The following RBFOX1 variants were observed in gnomAD, a reference collection of about 807,000 sequenced individuals.
RBFOX1 encodes RNA binding protein fox-1 homolog 1.
Under a neutral mutation model 57.7 loss-of-function variants are expected in RBFOX1, and 8 were observed. That is an observed-to-expected ratio of 0.14 (90% CI 0.08 to 0.25). The LOEUF (loss-of-function observed/expected upper bound fraction) is 0.25, where lower values mean the gene tolerates loss of function less well. Ranked by LOEUF, RBFOX1 falls within the 10% of genes least tolerant of loss-of-function variation. The pLI is 1.00. For synonymous variants in RBFOX1, 326 were observed against 222.4 expected, an observed-to-expected ratio of 1.47 and a Z score of -4.15; for missense variants, 611 against 548.5, an observed-to-expected ratio of 1.11 and a Z score of -1.14.
At chr16:7,211,617 C>T (rs148942215) in intron 4 of RBFOX1, among the ~76,000 whole-genome samples, 2 of 152,158 alleles carry the variant, frequency 1.3e-5, no homozygotes, top group Admixed American at 6.5e-5. Context: ...TAGAGGCACA[C>T]CTAGTAAGCA....
intron 11 of RBFOX1, among the ~76,000 whole-genome samples, chr16:7,649,415 C>T (rs1842776272): frequency 6.6e-6 from 1 of 152,164 alleles, no homozygotes; most frequent in South Asian, 2.1e-4. Flanking sequence ...CAATCTGTTT[C>T]CTTAACCACA....
At chr16:5,987,818 A>G (rs1414530182) in intron 4 of RBFOX1, among the ~76,000 whole-genome samples, 1 of 152,162 alleles carries the variant, frequency 6.6e-6, no homozygotes, top group African/African-American at 2.4e-5. Context: ...AACTATAGCT[A>G]ATTTTTTAAC....
chr16:7,218,663 T>TGTGTGTGTGTGTGTGC (rs2092462480), intron 4 of RBFOX1, among the ~76,000 whole-genome samples: 2 of 121,312 alleles, frequency 1.6e-5, no homozygotes, highest in African/African-American at 2.6e-5. Flanking sequence ...TGTGTGTGTG[T>TGTGTGTGTGTGTGTGC]GTGTGTGTGT....
intron 1 of RBFOX1, among the ~76,000 whole-genome samples, chr16:5,362,235 G>A (rs1017377944): frequency 2.0e-5 from 3 of 151,994 alleles, no homozygotes; most frequent in Admixed American, 2.0e-4. Flanking sequence ...TCTGTCCCCA[G>A]GCTGGAGTGC....
At chr16:5,408,490 T>G (rs1019458159) in intron 1 of RBFOX1, among the ~76,000 whole-genome samples, 12 of 152,242 alleles carry the variant, frequency 7.9e-5, no homozygotes, top group Admixed American at 7.9e-4. Context: ...TCTCACACTG[T>G]GCCACCCAGC....
chr16:6,944,376 A>G (rs1275162477), intron 3 of RBFOX1, among the ~76,000 whole-genome samples: 1 of 150,156 alleles, frequency 6.7e-6, no homozygotes, highest in Non-Finnish European at 1.5e-5. Flanking sequence ...GCCTGGCAAC[A>G]GAGCAAGACT....
At chr16:5,606,061 G>A (rs1472824350) in intron 3 of RBFOX1, among the ~76,000 whole-genome samples, 1 of 152,138 alleles carries the variant, frequency 6.6e-6, no homozygotes, top group Non-Finnish European at 1.5e-5. Flanking sequence ...GAGGTTGCCC[G>A]TGGCATGTCT....
At chr16:5,780,352 C>T (rs894035942) in intron 3 of RBFOX1, among the ~76,000 whole-genome samples, 4 of 152,084 alleles carry the variant, frequency 2.6e-5, no homozygotes, top group Admixed American at 6.5e-5. Flanking sequence ...TTTATTTCTT[C>T]TGGGTACAGG....
intron 1 of RBFOX1, among the ~76,000 whole-genome samples, chr16:5,465,249 A>C (rs1032012659): frequency 6.6e-6 from 1 of 152,028 alleles, no homozygotes; most frequent in Non-Finnish European, 1.5e-5. Flanking sequence ...CTGCGTCCTC[A>C]CCTGGCCTTT....
At chr16:7,500,046 G>T (rs1215238145) in intron 4 of RBFOX1, among the ~76,000 whole-genome samples, 1 of 152,110 alleles carries the variant, frequency 6.6e-6, no homozygotes, top group African/African-American at 2.4e-5. Flanking sequence ...GCCAGGCCCT[G>T]CTGTACTCTA....
chr16:6,766,727 T>C (rs574764043), intron 3 of RBFOX1, among the ~76,000 whole-genome samples: 3 of 152,222 alleles, frequency 2.0e-5, no homozygotes, highest in Admixed American at 6.5e-5. Flanking sequence ...CTGAATGTTA[T>C]GCCAGTGAAT....
At chr16:7,416,798 A>G (rs755425991) in intron 4 of RBFOX1, among the ~76,000 whole-genome samples, 28 of 152,134 alleles carry the variant, frequency 1.8e-4, no homozygotes, top group Non-Finnish European at 2.8e-4. Flanking sequence ...TAGTGAGTAG[A>G]TATCATGTAT....
At chr16:7,239,025 C>T (rs1165361752) in intron 4 of RBFOX1, among the ~76,000 whole-genome samples, 2 of 152,182 alleles carry the variant, frequency 1.3e-5, no homozygotes, top group Non-Finnish European at 1.5e-5. Flanking sequence ...ACCACACTTT[C>T]TTTATCCAGT....
At chr16:5,884,486 C>A (rs969615978) in intron 4 of RBFOX1, among the ~76,000 whole-genome samples, 2 of 149,268 alleles carry the variant, frequency 1.3e-5, no homozygotes, top group East Asian at 4.0e-4. Context: ...CCGCCCCCGG[C>A]TAGGGTACAC....
intron 2 of RBFOX1, among the ~76,000 whole-genome samples, chr16:6,646,855 T>A (rs2098538544): frequency 6.6e-6 from 1 of 152,014 alleles, no homozygotes; most frequent in Non-Finnish European, 1.5e-5. Flanking sequence ...GTGTCCGAAG[T>A]CAAGCAGAGA....
chr16:6,989,342 A>G (rs1280254940), intron 3 of RBFOX1, among the ~76,000 whole-genome samples: 1 of 152,214 alleles, frequency 6.6e-6, no homozygotes, highest in African/African-American at 2.4e-5. Flanking sequence ...GTCTATCTGT[A>G]TCAGTCTGTC....
At chr16:6,585,435 A>G (rs1403052282) in intron 2 of RBFOX1, among the ~76,000 whole-genome samples, 1 of 152,182 alleles carries the variant, frequency 6.6e-6, no homozygotes, top group African/African-American at 2.4e-5. Flanking sequence ...GTTGACTTGT[A>G]TTCTCGGTCC....
chr16:6,098,176 C>T lies in RBFOX1; in HGVS notation c.-127+78184C>T, dbSNP rs71392459. ...TCTACACACTTTGCAAACTTTACCT[C>T]ATTAATCTTCCCCACCCTGGGAGGG... On this transcript the variant is annotated intron_variant, in intron 1 of 15. Coordinates refer to ENST00000550418, the MANE Select transcript of RBFOX1 (RefSeq NM_018723.4). Among the ~76,000 whole-genome samples, 311 of 152,324 alleles carry T rather than the reference C, an allele frequency of 2.0e-3. 1 individual carries two copies. The highest frequency in any genetic ancestry group is 3.5e-3 in the Non-Finnish European group (235 of 68,026).
intron 2 of RBFOX1, among the ~76,000 whole-genome samples, chr16:5,560,772 T>G (rs1034979026): frequency 2.6e-5 from 4 of 152,226 alleles, no homozygotes; most frequent in African/African-American, 9.6e-5. Flanking sequence ...ACCTATGAGC[T>G]CCATGCTGCC....
Sources: allele counts gnomAD v4.1 joint callset (sites outside exome capture counted in the v4.1 genomes callset), GRCh38; gene constraint gnomAD v4.1.1; transcripts MANE v1.5; gene names NCBI Gene and HGNC (gene_info 2026-07-23, HGNC 2026-07-21).